Variants in SUN3 observed in about 807,000 individuals in gnomAD.
SUN3 encodes the protein SUN domain-containing protein 3.
SUN3 carries 36 observed loss-of-function variants against 48.2 expected under a neutral mutation model. The ratio of observed to expected loss-of-function variants is 0.75; its 90% confidence interval spans 0.57 to 0.99. The LOEUF (loss-of-function observed/expected upper bound fraction) is 0.99. SUN3 is among the 50% of genes least tolerant of loss of function. The pLI is 0.00. For missense variants in SUN3, 419 were observed against 433.1 expected (o/e 0.97, Z 0.29); for synonymous variants, 148 against 147.9 (o/e 1.00, Z 0.00).
At chr7:47,991,178 A>G (rs1789049596) in intron 8 of SUN3, 1 of 372,658 alleles carries the variant, frequency 2.7e-6, no homozygotes, top group Admixed American at 3.5e-5. Context: ...TAGCCTTTTA[A>G]GGAGCTGGGA....
chr7:48,029,116 T>G, upstream of SUN3: 1 of 880,930 alleles, frequency 1.1e-6, no homozygotes, highest in South Asian at 1.7e-5. Context: ...CTGATTCTTC[T>G]GTTGCATCAT....
At chr7:47,998,125 T>C (rs1366128791) in intron 6 of SUN3, among the ~76,000 whole-genome samples, 1 of 152,258 alleles carries the variant, frequency 6.6e-6, no homozygotes, top group Non-Finnish European at 1.5e-5. Context: ...AGGTGTTATA[T>C]TGAACTTCAT....
At chr7:48,004,488 A>G (rs1050208763) in intron 6 of SUN3, among the ~76,000 whole-genome samples, 3 of 152,224 alleles carry the variant, frequency 2.0e-5, no homozygotes, top group African/African-American at 7.2e-5. Context: ...CTTGAGCCAC[A>G]GTTTACATCA....
chr7:48,035,680 G>C, the SUN3 span: 4,023 of 624,902 alleles, frequency 6.4e-3, 22 homozygotes, highest in Non-Finnish European at 7.9e-3. This position sits in a 1 kb window ranked among gnomAD's most constrained non-coding sequence, Gnocchi z 4.0. Context: ...TGTGGTCCCG[G>C]GCCTTGTCCA....
intron 5 of SUN3, 144 bp from the exon 6 acceptor site, chr7:48,006,197 G>A: frequency 4.8e-6 from 3 of 619,914 alleles, no homozygotes; most frequent in Non-Finnish European, 8.7e-6. Context: ...GCCAGGCCCT[G>A]TTCATGGATC....
At position 48,028,849 on chromosome 7, in the gene SUN3, C is replaced by T. The variant is rs978745072; in HGVS notation, c.90G>A (p.Leu30=). ...CATCAGGATTTTCGTCCTCTGATAA[C>T]AAAGCATTGCCACTGGCGCTACCGC... ...DASGSASGNA[L]LSEDENPDAN... is the part of the protein sequence containing the mutation. Residue 30 remains leucine, a synonymous_variant, in exon 1 of 10, where the codon TTG becomes TTA. Coordinates refer to ENST00000297325, the MANE Select transcript of SUN3 (RefSeq NM_001030019.2). The T allele has an allele frequency of 6.2e-6, 10 of 1,613,816 alleles. No homozygotes were observed. The highest frequency in any genetic ancestry group is 8.5e-6 in the Non-Finnish European group (10 of 1,179,850).
At chr7:47,999,815 G>A (rs1383218749) in intron 6 of SUN3, among the ~76,000 whole-genome samples, 1 of 152,200 alleles carries the variant, frequency 6.6e-6, no homozygotes, top group East Asian at 1.9e-4. Context: ...GATTATAGGC[G>A]TGAGCCACTG....
chr7:48,035,472 C>G, the SUN3 span: 1 of 695,490 alleles, frequency 1.4e-6, no homozygotes, highest in Admixed American at 2.0e-5. This position sits in a 1 kb window ranked among gnomAD's most constrained non-coding sequence, Gnocchi z 4.0. Context: ...TCCAGCCGCG[C>G]CCGCCGGTTG....
intron 2 of SUN3, among the ~76,000 whole-genome samples, chr7:48,023,654 A>G (rs1293108847): frequency 6.6e-6 from 1 of 152,226 alleles, no homozygotes. Context: ...GAATGAATTT[A>G]AAAACATGAT....
chr7:47,987,725 G>C (rs990028524), intron 9 of SUN3, among the ~76,000 whole-genome samples: 4 of 151,938 alleles, frequency 2.6e-5, no homozygotes, highest in Non-Finnish European at 5.9e-5. Context: ...GTAGAGACAG[G>C]GTTTTGCCAT....
At chr7:48,013,988 C>T (rs746560228) in intron 3 of SUN3, among the ~76,000 whole-genome samples, 6 of 152,154 alleles carry the variant, frequency 3.9e-5, no homozygotes, top group Non-Finnish European at 5.9e-5. Context: ...TATTTTGAGA[C>T]AGAGTCTTGC....
At chr7:48,015,372 C>T (rs1789783822) in intron 3 of SUN3, among the ~76,000 whole-genome samples, 1 of 152,132 alleles carries the variant, frequency 6.6e-6, no homozygotes, top group Non-Finnish European at 1.5e-5. Flanking sequence ...AGTAGCGCCT[C>T]TGAGATGGGA....
chr7:47,998,519 T>C (rs1247041870), intron 6 of SUN3, among the ~76,000 whole-genome samples: 15 of 152,228 alleles, frequency 9.9e-5, no homozygotes, highest in Admixed American at 9.8e-4. Flanking sequence ...CTTTTCATTC[T>C]CGTAACTGTT....
Position 48,028,890 on chromosome 7 carries a change from A to T in SUN3, c.49T>A (p.Cys17Ser), listed in dbSNP as rs746613182. The change falls in exon 1 of 10, where the codon TGC (cysteine) becomes AGC (serine). Residue 17 changes from cysteine to serine, a missense_variant. Transcript: ENST00000297325. ...GCGCTACCGCTGGCGTCTTCAGAGC[A>T]ACGTCTAAAAAACATGGCAGCCCTT... ...ARRAAMFFRR[C>S]SEDASGSASG... 1 of 1,614,014 alleles carries T rather than the reference A, an allele frequency of 6.2e-7. No individual in the cohort carries two copies. The highest frequency in any genetic ancestry group is 8.5e-7 in the Non-Finnish European group (1 of 1,179,892).
chr7:47,999,011 A>G (rs563564984), intron 6 of SUN3, among the ~76,000 whole-genome samples: 1 of 152,288 alleles, frequency 6.6e-6, no homozygotes, highest in East Asian at 1.9e-4. Context: ...CATTTTGAAA[A>G]TGGTTGTCAA....
intron 6 of SUN3, 90 bp from the exon 7 acceptor site, chr7:47,996,236 T>A (rs1789207802): frequency 1.4e-6 from 1 of 716,246 alleles, no homozygotes; most frequent in Admixed American, 3.1e-5. Context: ...TCTAGAAAAT[T>A]ATTACTGGGC....
In SUN3 at chr7:48,009,045, C is replaced by T. The variant is rs1206595957; in HGVS notation, c.319G>A (p.Glu107Lys). Residue 107 changes from glutamate to lysine, a missense_variant, in exon 4 of 10, where the codon GAA becomes AAA. Glu to Lys is a moderately conservative substitution (Grantham distance 56, BLOSUM62 1). Transcript: ENST00000297325. ...ARLRMPKEQLELLKKESQNLE... is the reference protein window; with the variant it reads ...ARLRMPKEQLKLLKKESQNLE... ...AAAGATCGCACTCACTTTAAAAGTT[C>T]CAGTTGCTCTTTAGGCATACGAAGT... is the stretch of plus-strand genomic sequence containing the variant. 1.5e-5 allele frequency: 24 copies of T among 1,612,128 alleles called. No individual in the cohort carries two copies. Among genetic ancestry groups the T allele is most frequent in the Non-Finnish European group, 2.0e-5 (24 of 1,179,326 alleles).
Position 48,028,862 on chromosome 7 carries a change from C to G in SUN3, c.77G>C (p.Ser26Thr), listed in dbSNP as rs763078646. ...GTCCTCTGATAACAAAGCATTGCCA[C>G]TGGCGCTACCGCTGGCGTCTTCAGA... ...RCSEDASGSA[S>T]GNALLSEDEN... Residue 26 changes from serine (S) to threonine (T), a missense_variant, in exon 1 of 10, where the codon AGT (serine) becomes ACT (threonine). By Grantham distance (58) the Ser-to-Thr change is moderately conservative (BLOSUM62 1). Transcript: ENST00000297325. 6.2e-7 allele frequency: 1 copy of G among 1,613,874 alleles called. No homozygotes were observed. Among genetic ancestry groups the G allele is most frequent in the African/African-American group, 1.3e-5 (1 of 74,920 alleles).
At chr7:48,019,003 A>G (rs1344074277) in intron 2 of SUN3, among the ~76,000 whole-genome samples, 3 of 152,208 alleles carry the variant, frequency 2.0e-5, no homozygotes, top group Non-Finnish European at 4.4e-5. Context: ...GAAACCAAAT[A>G]TAAACTCTGA....
Sources: allele counts gnomAD v4.1 joint callset (sites outside exome capture counted in the v4.1 genomes callset), GRCh38; gene constraint gnomAD v4.1.1; non-coding constraint Gnocchi (gnomAD v3.1); transcripts MANE v1.5; gene names NCBI Gene and HGNC (gene_info 2026-07-23, HGNC 2026-07-21).